Variants in PHACTR2 observed in about 807,000 individuals in gnomAD.
The protein encoded by PHACTR2 is phosphatase and actin regulator 2.
PHACTR2 carries 30 observed loss-of-function variants against 76.0 expected under a neutral mutation model. The observed-to-expected ratio is 0.39, with a 90% confidence interval of 0.30 to 0.54. PHACTR2 has a LOEUF of 0.54. PHACTR2 is among the 20% of genes least tolerant of loss of function. The pLI, the probability that PHACTR2 is intolerant of heterozygous loss-of-function variation, is 0.61. For synonymous variants in PHACTR2, 292 were observed against 292.5 expected (o/e 1.00, Z 0.02); for missense variants, 696 against 781.1 (o/e 0.89, Z 1.30).
At chr6:143,665,767 G>A (rs1228829174) in intron 1 of PHACTR2, among the ~76,000 whole-genome samples, 6 of 152,122 alleles carry the variant, frequency 3.9e-5, no homozygotes, top group Non-Finnish European at 8.8e-5. Flanking sequence ...TCTCTACTCA[G>A]AAGCCACAGT....
chr6:143,816,136 G>A lies in PHACTR2; in HGVS notation c.1923-7538G>A, dbSNP rs1776289827. Among the ~76,000 whole-genome samples the A allele has an allele frequency of 6.6e-6, 1 of 152,022 alleles. No homozygotes were observed. On this transcript the variant is annotated intron_variant, in intron 12 of 12. Transcript: ENST00000440869. This position sits in a 1 kb window ranked among gnomAD's most constrained non-coding sequence, Gnocchi z 4.5. ...CTCAGGAAAGTTCTGAAAAGAGGGT[G>A]GACAAAAGGCTTCAGTATCCTTAGG... is the stretch of plus-strand genomic sequence containing the variant.
At chr6:143,701,697 A>G (rs917207238) in intron 1 of PHACTR2, among the ~76,000 whole-genome samples, 1 of 152,232 alleles carries the variant, frequency 6.6e-6, no homozygotes, top group Non-Finnish European at 1.5e-5. Flanking sequence ...TTGGTCTCTC[A>G]GCCTCAACTT....
intron 1 of PHACTR2, among the ~76,000 whole-genome samples, chr6:143,670,031 T>C (rs2128450492): frequency 6.6e-6 from 1 of 152,342 alleles, no homozygotes; most frequent in East Asian, 1.9e-4. Context: ...CAGGAACTCT[T>C]GTAAGGCAGG....
At chr6:143,720,186 A>T (rs1778407075) in intron 2 of PHACTR2, among the ~76,000 whole-genome samples, 1 of 152,184 alleles carries the variant, frequency 6.6e-6, no homozygotes, top group East Asian at 1.9e-4. Flanking sequence ...TACATACAAT[A>T]TGTCAGGAAC....
At chr6:143,638,365 C>A (rs896568822) in intron 1 of PHACTR2, among the ~76,000 whole-genome samples, 3 of 151,970 alleles carry the variant, frequency 2.0e-5, no homozygotes, top group African/African-American at 7.3e-5. Flanking sequence ...CATAGCAAGA[C>A]CCCGTCTATA....
chr6:143,573,684 T>G (rs1253087111), intron 1 of PHACTR2, among the ~76,000 whole-genome samples: 1 of 152,214 alleles, frequency 6.6e-6, no homozygotes, highest in African/African-American at 2.4e-5. Flanking sequence ...TTTGTCCCTG[T>G]GTTGGCACTT....
chr6:143,694,536 A>G (rs1391226601), intron 1 of PHACTR2, among the ~76,000 whole-genome samples: 5 of 152,200 alleles, frequency 3.3e-5, no homozygotes, highest in Non-Finnish European at 7.3e-5. Flanking sequence ...ATGTCACTAC[A>G]TATATAGTCT....
chr6:143,631,516 T>C (rs1776362828), intron 1 of PHACTR2, among the ~76,000 whole-genome samples: 1 of 152,198 alleles, frequency 6.6e-6, no homozygotes, highest in South Asian at 2.1e-4. Context: ...TTTAGCCTGC[T>C]TCCTGGCTCC....
rs966631710 is a variant in PHACTR2 at position 143,764,356 on chromosome 6, C to A, written c.695-905C>A. On this transcript the variant is annotated intron_variant, in intron 5 of 12. Coordinates refer to ENST00000440869, the MANE Select transcript of PHACTR2 (RefSeq NM_001100164.2). The surrounding 1 kb of genome is among the most constrained non-coding windows in gnomAD (Gnocchi z 4.7). ...GCAACATGACAAAACCCTGTCTCAA[C>A]AAAAATACATTAAAGTTAGCCAGGC... Among the ~76,000 whole-genome samples, 2 of 151,876 alleles carry A rather than the reference C, an allele frequency of 1.3e-5. No homozygotes were observed. The highest frequency in any genetic ancestry group is 3.9e-4 in the East Asian group (2 of 5,178).
rs1047007825 is a variant in PHACTR2, at chr6:143,731,878, C to T, written c.215-17107C>T. Among the ~76,000 whole-genome samples, 1 of 152,182 alleles carries T rather than the reference C, an allele frequency of 6.6e-6. No homozygotes were observed. The highest frequency in any genetic ancestry group is 1.5e-5 in the Non-Finnish European group (1 of 68,022). On this transcript the variant is annotated intron_variant, in intron 2 of 12. Transcript: ENST00000440869. The surrounding 1 kb of genome is among the most constrained non-coding windows in gnomAD (Gnocchi z 4.9). ...TTTCTCTTTTGAAAGATTTAAATAG[C>T]ATATTCAATTTCTTTTATAGTTATA...
Position 143,755,249 on chromosome 6 carries a change from G to A in PHACTR2, c.454+1337G>A, listed in dbSNP as rs943476244. The A allele has an allele frequency of 2.0e-4, 90 of 455,830 alleles. 3 individuals are homozygous for A. The highest frequency in any genetic ancestry group is 1.4e-3 in the South Asian group (88 of 64,528). 28.2% of individuals were successfully genotyped at this position (455,830 alleles called of 1,614,324 possible). The stretch of plus-strand genomic sequence containing the variant: ...AAATTTTAGTGGGATTCAGTTGAAA[G>A]TATTAACGCAAGTAGTGATGTTTTT... On this transcript the variant is annotated intron_variant, in intron 4 of 12. Coordinates refer to ENST00000440869, the MANE Select transcript of PHACTR2 (RefSeq NM_001100164.2). This position sits in a 1 kb window ranked among gnomAD's most constrained non-coding sequence, Gnocchi z 5.2.
chr6:143,641,471 C>T lies in PHACTR2; in HGVS notation c.13+33149C>T, dbSNP rs1008283604. 5.3e-5 allele frequency among the ~76,000 whole-genome samples: 8 copies of T among 152,074 alleles called. No individual in the cohort carries two copies. The highest frequency in any genetic ancestry group is 1.9e-4 in the African/African-American group (8 of 41,398). ...TTACCTTCAGATCTGTGAAATAATA[C>T]ATTTCTGTTGTTGATTTGTTTGTTT... On this transcript the variant is annotated intron_variant, in intron 1 of 11. Transcript: ENST00000305766. This position sits in a 1 kb window ranked among gnomAD's most constrained non-coding sequence, Gnocchi z 5.8.
chr6:143,660,234 G>A (rs1313517049), intron 1 of PHACTR2, among the ~76,000 whole-genome samples: 8 of 145,688 alleles, frequency 5.5e-5, no homozygotes, highest in South Asian at 2.3e-4. Context: ...ACCCAAGACC[G>A]AGCAATTTAC....
At position 143,662,957 on chromosome 6, in the gene PHACTR2, G is replaced by A. The variant is rs1002106506; in HGVS notation, c.14-49059G>A. ...AGCTCCCACTTATAAGTGAGAATAT[G>A]TGATATTTGGTTTTCTGTTCCTGTA... On this transcript the variant is annotated intron_variant, in intron 1 of 11. Coordinates refer to the PHACTR2 transcript ENST00000305766. This position sits in a 1 kb window ranked among gnomAD's most constrained non-coding sequence, Gnocchi z 4.7. Among the ~76,000 whole-genome samples the A allele has an allele frequency of 1.3e-5, 2 of 152,170 alleles. No individual in the cohort carries two copies. Among genetic ancestry groups the A allele is most frequent in the African/African-American group, 4.8e-5 (2 of 41,434 alleles).
rs1225345397 is a variant in PHACTR2 at position 143,561,961 on chromosome 6, C to T, written c.217+24754C>T. ...CTCCAAATACATCCTCTCTTTTTGC[C>T]CCATGTCTTGACATGAGTGGTTCCT... On this transcript the variant is annotated intron_variant, in intron 1 of 11. Transcript: ENST00000367584. This position sits in a 1 kb window ranked among gnomAD's most constrained non-coding sequence, Gnocchi z 4.1. The T allele has an allele frequency of 2.0e-5, 3 of 152,090 alleles. No homozygotes were observed. Among genetic ancestry groups the T allele is most frequent in the African/African-American group, 4.8e-5 (2 of 41,400 alleles). The allele number at this position is 152,090 out of a possible 1,614,324, so 9.4% of individuals were successfully genotyped here.
intron 1 of PHACTR2, among the ~76,000 whole-genome samples, chr6:143,634,814 AC>A (rs1427836167): frequency 6.6e-6 from 1 of 152,210 alleles, no homozygotes; most frequent in Non-Finnish European, 1.5e-5. Flanking sequence ...AACAAATACC[AC>A]AGCAAATATA....
rs560837660 is a variant in PHACTR2, at chr6:143,743,443, C to T, written c.215-5542C>T. ...GGCTGGAGCAGATAAACAAAAAAATCGCCAGACCCCTGAGTGTTTTTAGGT... is the reference window on the plus strand; with the variant it reads ...GGCTGGAGCAGATAAACAAAAAAATTGCCAGACCCCTGAGTGTTTTTAGGT... On this transcript the variant is annotated intron_variant, in intron 2 of 12. Coordinates refer to ENST00000440869, the MANE Select transcript of PHACTR2 (RefSeq NM_001100164.2). The surrounding 1 kb of genome is among the most constrained non-coding windows in gnomAD (Gnocchi z 5.0). Among the ~76,000 whole-genome samples, 2 of 152,220 alleles carry T rather than the reference C, an allele frequency of 1.3e-5. No individual in the cohort carries two copies. Among genetic ancestry groups the T allele is most frequent in the East Asian group, 3.9e-4 (2 of 5,180 alleles).
chr6:143,766,991 C>A (rs1044610755), intron 6 of PHACTR2, among the ~76,000 whole-genome samples: 1 of 152,038 alleles, frequency 6.6e-6, no homozygotes, highest in Non-Finnish European at 1.5e-5. Context: ...GGTTCTCTTT[C>A]AAAACAATCT....
intron 1 of PHACTR2, among the ~76,000 whole-genome samples, chr6:143,576,553 A>G (rs756440661): frequency 1.3e-5 from 2 of 152,206 alleles, no homozygotes; most frequent in Non-Finnish European, 2.9e-5. Context: ...AAGAGGGAAT[A>G]TTTGTGGTTT....
Sources: allele counts gnomAD v4.1 joint callset (sites outside exome capture counted in the v4.1 genomes callset), GRCh38; gene constraint gnomAD v4.1.1; non-coding constraint Gnocchi (gnomAD v3.1); transcripts MANE v1.5; gene names NCBI Gene and HGNC (gene_info 2026-07-23, HGNC 2026-07-21).